TMEM260: variants seen among roughly 807,000 people sequenced by gnomAD.
TMEM260 encodes transmembrane protein 260.
Under a neutral mutation model 88.9 loss-of-function variants are expected in TMEM260, and 82 were observed. That is an observed-to-expected ratio of 0.92 (90% CI 0.77 to 1.11). The LOEUF is 1.11. TMEM260 is among the 50% of genes least tolerant of loss of function. The pLI, the probability that TMEM260 is intolerant of heterozygous loss-of-function variation, is 0.00. For missense variants in TMEM260, 902 were observed against 853.4 expected, an observed-to-expected ratio of 1.06 and a Z score of -0.71; for synonymous variants, 314 against 309.3, an observed-to-expected ratio of 1.02 and a Z score of -0.16.
At chr14:56,603,585 C>T (rs1458675113) in intron 3 of TMEM260, among the ~76,000 whole-genome samples, 2 of 152,100 alleles carry the variant, frequency 1.3e-5, no homozygotes, top group Non-Finnish European at 2.9e-5. Context: ...AGGACTGAAC[C>T]TCATTCTAGC....
chr14:56,596,402 G>A (rs892501702), intron 3 of TMEM260, among the ~76,000 whole-genome samples: 224 of 125,932 alleles, frequency 1.8e-3, no homozygotes, highest in African/African-American at 7.0e-3. Flanking sequence ...GTGTGTGTGT[G>A]TGTGTATATA....
Position 56,633,103 on chromosome 14 carries a change from T to C in TMEM260, c.1656T>C (p.Ile552=). 6.2e-7 allele frequency: 1 copy of C among 1,613,810 alleles called. No homozygotes were observed. The part of the protein sequence containing the change: ...GSCDKLVPLE[I]VFNPEEWIKL... ...GTGACAAATTAGTTCCTTTGGAGAT[T>C]GTATTCAACCCTGAGGAATGGATTA... The change falls in exon 13 of 16, where the codon ATT becomes ATC. Residue 552 remains isoleucine, a synonymous_variant. Coordinates refer to ENST00000261556, the MANE Select transcript of TMEM260 (RefSeq NM_017799.4).
intron 15 of TMEM260, among the ~76,000 whole-genome samples, chr14:56,641,650 A>G (rs138910399): frequency 0.024 from 3,583 of 152,340 alleles, 98 homozygotes; most frequent in East Asian, 0.099. Flanking sequence ...GACAGGATCA[A>G]ACTCACACAT....
At chr14:56,620,724 C>A (rs755338987) in intron 10 of TMEM260, among the ~76,000 whole-genome samples, 1 of 152,108 alleles carries the variant, frequency 6.6e-6, no homozygotes, top group Non-Finnish European at 1.5e-5. Flanking sequence ...TTTTGTGATA[C>A]CCCAGATATT....
At chr14:56,640,664 GAGA>G (rs1189681728) in intron 15 of TMEM260, among the ~76,000 whole-genome samples, 1 of 152,174 alleles carries the variant, frequency 6.6e-6, no homozygotes, top group Non-Finnish European at 1.5e-5. Flanking sequence ...GACGAGTTGA[GAGA>G]AGAAGGCTTC....
intron 15 of TMEM260, among the ~76,000 whole-genome samples, chr14:56,639,991 C>G (rs368184294): frequency 2.0e-5 from 3 of 152,218 alleles, no homozygotes; most frequent in Non-Finnish European, 4.4e-5. Flanking sequence ...CTGGGAAGCT[C>G]GAACTGGGTA....
At chr14:56,628,626 A>G (rs117026640) in intron 12 of TMEM260, among the ~76,000 whole-genome samples, 350 of 152,206 alleles carry the variant, frequency 2.3e-3, no homozygotes, top group Admixed American at 4.3e-3. Flanking sequence ...GTCTATACAA[A>G]TGAAAAAAAA....
intron 15 of TMEM260, among the ~76,000 whole-genome samples, chr14:56,646,816 C>A (rs1167266080): frequency 6.7e-6 from 1 of 149,650 alleles, no homozygotes; most frequent in South Asian, 2.1e-4. Flanking sequence ...TAAATTCCTT[C>A]AAGTTCTTTT....
rs549794971 is a variant in TMEM260, at chr14:56,633,233, C to G, written c.1724+62C>G. 8.7e-6 allele frequency: 12 copies of G among 1,382,162 alleles called. No homozygotes were observed. In the African/African-American group the frequency reaches 1.3e-4, roughly 15 times the overall value. 85.6% of individuals were successfully genotyped at this position (1,382,162 alleles called of 1,614,324 possible). ...TAGCAGTTTTGAATACCCAAAAAAA[C>G]TACTACATTTTGAGATGCCTTCTAA... On this transcript the variant is annotated intron_variant, in intron 13 of 15. Coordinates refer to ENST00000261556, the MANE Select transcript of TMEM260 (RefSeq NM_017799.4).
At chr14:56,599,123 C>A (rs753004972) in intron 3 of TMEM260, among the ~76,000 whole-genome samples, 21 of 152,182 alleles carry the variant, frequency 1.4e-4, no homozygotes, top group Admixed American at 5.2e-4. Context: ...ACCCACAACC[C>A]TTTGCTCATC....
chr14:56,658,202 G>A, the TMEM260 span, among the ~76,000 whole-genome samples: 1 of 152,080 alleles, frequency 6.6e-6, no homozygotes, highest in African/African-American at 2.4e-5. Flanking sequence ...GGGAATCATT[G>A]CTTCTGTAGC....
intron 3 of TMEM260, among the ~76,000 whole-genome samples, chr14:56,586,249 T>G (rs1216283166): frequency 6.6e-6 from 1 of 152,158 alleles, no homozygotes; most frequent in Non-Finnish European, 1.5e-5. Context: ...TAAATATCAT[T>G]TAATTATTCA....
At position 56,636,596 on chromosome 14, in the gene TMEM260, G is replaced by T. The variant is rs1171922107; in HGVS notation, c.1867G>T (p.Asp623Tyr). 6.8e-6 allele frequency: 11 copies of T among 1,613,400 alleles called. No homozygotes were observed. The highest frequency in any genetic ancestry group is 7.6e-6 in the Non-Finnish European group (9 of 1,179,396). The change falls in exon 15 of 16, where the codon GAC (aspartate) becomes TAC (tyrosine). Residue 623 changes from aspartate to tyrosine, a missense_variant and splice_region_variant. Coordinates refer to ENST00000261556, the MANE Select transcript of TMEM260 (RefSeq NM_017799.4). ...VKAQLYAQAY[D>Y]LYKEIVYLQK... ...AGCTCAACTCTACGCTCAAGCATATGACGTATGTTACACTTTTATATGTAG... is the reference window on the plus strand; with the variant it reads ...AGCTCAACTCTACGCTCAAGCATATTACGTATGTTACACTTTTATATGTAG...
intron 6 of TMEM260, among the ~76,000 whole-genome samples, 160 bp from the exon 7 acceptor site, chr14:56,612,085 G>A (rs113677599): frequency 2.0e-5 from 3 of 152,096 alleles, no homozygotes; most frequent in African/African-American, 4.8e-5. Flanking sequence ...CCCTTGACAC[G>A]CAGTTTACCT....
At chr14:56,633,251 CCTT>C (rs1888760035) in intron 13 of TMEM260, 80 bp downstream of exon 13, 3 of 1,214,768 alleles carry the variant, frequency 2.5e-6, no homozygotes, top group African/African-American at 1.5e-5. Flanking sequence ...TTTTGAGATG[CCTT>C]CTAATTTTTT....
chr14:56,640,650 CT>C (rs1889517037), intron 15 of TMEM260, among the ~76,000 whole-genome samples: 1 of 152,292 alleles, frequency 6.6e-6, no homozygotes, highest in East Asian at 1.9e-4. Context: ...CAGAGAATGA[CT>C]TTGACGAGTT....
chr14:56,605,451 G>T, intron 4 of TMEM260, 119 bp from the exon 5 acceptor site: 1 of 442,016 alleles, frequency 2.3e-6, no homozygotes, highest in Non-Finnish European at 4.0e-6. Context: ...CATCTTAGAG[G>T]TTGATTTTAA....
At chr14:56,645,286 A>T (rs1048613138) in intron 15 of TMEM260, among the ~76,000 whole-genome samples, 1 of 151,684 alleles carries the variant, frequency 6.6e-6, no homozygotes, top group Non-Finnish European at 1.5e-5. Flanking sequence ...AATGTGGCAC[A>T]TATACACCAT....
In TMEM260 at chr14:56,612,260, G is replaced by C; in HGVS notation, c.832G>C (p.Gly278Arg). The change falls in exon 7 of 16, where the codon GGA becomes CGA. Residue 278 changes from glycine (G) to arginine (R), a missense_variant. Gly to Arg is a moderately radical substitution (Grantham distance 125, BLOSUM62 -2). Transcript: ENST00000261556. ...TTGTGTTTAGGCCAAATCTGAAATA[G>C]GATCCAGTATGTCTGAAATACTGCT... ...GTFSLAKSEI[G>R]SSMSEILLSQ... 6.2e-7 allele frequency: 1 copy of C among 1,613,616 alleles called. No individual in the cohort carries two copies. The highest frequency in any genetic ancestry group is 8.5e-7 in the Non-Finnish European group (1 of 1,179,658).
Sources: allele counts gnomAD v4.1 joint callset (sites outside exome capture counted in the v4.1 genomes callset), GRCh38; gene constraint gnomAD v4.1.1; transcripts MANE v1.5; gene names NCBI Gene and HGNC (gene_info 2026-07-23, HGNC 2026-07-21).